Variants in MEGF10 observed in about 807,000 individuals in gnomAD.
The protein encoded by MEGF10 is multiple epidermal growth factor-like domains protein 10.
Under a neutral mutation model 147.5 loss-of-function variants are expected in MEGF10, and 86 were observed. The observed-to-expected ratio is 0.58, with a 90% CI of 0.49 to 0.70. The LOEUF (loss-of-function observed/expected upper bound fraction) is 0.70, where lower values mean the gene tolerates loss of function less well. Among genes scored for constraint, MEGF10 ranks in the 30% least tolerant of loss-of-function variants. The probability of loss-of-function intolerance (pLI) is 0.00; values close to 1 mark genes in which losing one functional copy is unlikely to be tolerated. For synonymous variants in MEGF10, 478 were observed against 525.5 expected (o/e 0.91, Z 1.24); for missense variants, 1,329 against 1,487.3 (o/e 0.89, Z 1.75).
chr5:127,285,766 A>G, the MEGF10 span, among the ~76,000 whole-genome samples: 1 of 152,106 alleles, frequency 6.6e-6, no homozygotes, highest in Admixed American at 6.5e-5. Context: ...GCTGTAATAA[A>G]ATTAAATTAA....
At chr5:127,381,649 TTG>T in intron 5 of MEGF10, among the ~76,000 whole-genome samples, 1 of 152,184 alleles carries the variant, frequency 6.6e-6, no homozygotes, top group South Asian at 2.1e-4. Context: ...TTATTGTGTT[TTG>T]TTGTTGTTTC....
chr5:127,272,274 G>A, the MEGF10 span, among the ~76,000 whole-genome samples: 1 of 152,024 alleles, frequency 6.6e-6, no homozygotes, highest in East Asian at 1.9e-4. Context: ...TCTCTATTTT[G>A]TTCCATTGAT....
In MEGF10 at chr5:127,310,042, CTTTA is replaced by C. The variant is rs199567299; in HGVS notation, c.-19+18990_-19+18993del. 4.9e-3 allele frequency among the ~76,000 whole-genome samples: 431 copies of C among 87,212 alleles called. 114 individuals carry two copies. The Middle Eastern group carries it at 0.11, about 22-fold the overall frequency. The allele number at this position is 87,212 out of a possible 152,430, so 57.2% of individuals were successfully genotyped here. A position where few individuals can be genotyped will look rare whatever the true frequency, so the allele number is the denominator to read the frequency against. On this transcript the variant is annotated intron_variant, in intron 1 of 24. Coordinates refer to ENST00000503335, the MANE Select transcript of MEGF10 (RefSeq NM_001256545.2). The stretch of plus-strand genomic sequence containing the variant: ...TTTTTCTTTCTTTCTTTCCTTCTTT[CTTTA>C]TTTCTTTCTTTCTTTCTTTCTCTCT...
At chr5:127,333,103 G>C (rs982798715) in intron 2 of MEGF10, among the ~76,000 whole-genome samples, 2 of 152,128 alleles carry the variant, frequency 1.3e-5, no homozygotes, top group African/African-American at 4.8e-5. Flanking sequence ...TTGCCATGTT[G>C]TGTTTATAAA....
chr5:127,320,408 A>G (rs1742728921), intron 1 of MEGF10, among the ~76,000 whole-genome samples: 1 of 152,200 alleles, frequency 6.6e-6, no homozygotes, highest in Admixed American at 6.5e-5. Context: ...ACAATATGAG[A>G]TTGTTCTCCA....
At chr5:127,425,203 TGGGTCATG>T (rs1765170400) in intron 13 of MEGF10, among the ~76,000 whole-genome samples, 1 of 152,222 alleles carries the variant, frequency 6.6e-6, no homozygotes, top group Admixed American at 6.5e-5. Context: ...TTCCACAGTC[TGGGTCATG>T]GGGTAAGACA....
chr5:127,335,755 C>G (rs187402894), intron 2 of MEGF10, among the ~76,000 whole-genome samples: 14 of 151,984 alleles, frequency 9.2e-5, no homozygotes, highest in Admixed American at 8.5e-4. Context: ...TACCCTCAAC[C>G]AAAAACTAAA....
chr5:127,443,973 T>A (rs1394396111), intron 19 of MEGF10, among the ~76,000 whole-genome samples: 2 of 152,170 alleles, frequency 1.3e-5, no homozygotes, highest in Non-Finnish European at 2.9e-5. Context: ...ATAATTGGGG[T>A]ATATAGTAGA....
chr5:127,401,595 A>G (rs780119199), intron 7 of MEGF10, among the ~76,000 whole-genome samples: 6 of 152,110 alleles, frequency 3.9e-5, no homozygotes, highest in Non-Finnish European at 7.4e-5. Context: ...TTTTAGAGAG[A>G]GGGAGGACAG....
At chr5:127,327,694 T>TTTTTC (rs1345394950) in intron 1 of MEGF10, among the ~76,000 whole-genome samples, 21 of 145,788 alleles carry the variant, frequency 1.4e-4, no homozygotes, top group East Asian at 6.1e-4. Context: ...ATCTGCTGCT[T>TTTTTC]TTTTCTTTTC....
intron 5 of MEGF10, among the ~76,000 whole-genome samples, chr5:127,372,999 T>C (rs1373815992): frequency 6.6e-6 from 1 of 152,250 alleles, no homozygotes; most frequent in African/African-American, 2.4e-5. Context: ...GGAATTTTTC[T>C]GTAAGGAAGA....
chr5:127,373,740 C>T (rs35087652), intron 5 of MEGF10, among the ~76,000 whole-genome samples: 8,917 of 151,952 alleles, frequency 0.059, 366 homozygotes, highest in Non-Finnish European at 0.087. Context: ...GAGGGATGGG[C>T]TAGTAAGAAG....
At chr5:127,243,774 G>C in the MEGF10 span, among the ~76,000 whole-genome samples, 71 of 152,254 alleles carry the variant, frequency 4.7e-4, no homozygotes, top group East Asian at 0.013. Context: ...TCACTAATAA[G>C]CCACTGTTCA....
the MEGF10 span, among the ~76,000 whole-genome samples, chr5:127,271,400 TG>T: frequency 9.4e-3 from 1,435 of 152,128 alleles, 15 homozygotes; most frequent in African/African-American, 0.031. Flanking sequence ...TACTTTTTAG[TG>T]GGGTTTTTTT....
chr5:127,437,872 C>A (rs933432689), intron 16 of MEGF10, among the ~76,000 whole-genome samples: 1 of 152,228 alleles, frequency 6.6e-6, no homozygotes, highest in Non-Finnish European at 1.5e-5. Context: ...TTTAACCTCT[C>A]TTGAGTCAAG....
At chr5:127,438,980 G>C (rs550201172) in intron 17 of MEGF10, among the ~76,000 whole-genome samples, 2 of 152,262 alleles carry the variant, frequency 1.3e-5, no homozygotes, top group African/African-American at 2.4e-5. Context: ...CGTGTTTTTC[G>C]AATGGTAGCA....
In MEGF10 at chr5:127,397,618, C is replaced by T. The variant is rs1443073611; in HGVS notation, c.659+840C>T. Among the ~76,000 whole-genome samples, 6 of 152,160 alleles carry T rather than the reference C, an allele frequency of 3.9e-5. No individual in the cohort carries two copies. The East Asian group carries it at 7.7e-4, about 20-fold the overall frequency. On this transcript the variant is annotated intron_variant, in intron 6 of 24. Transcript: ENST00000503335. ...AACACTTCCTGCCAACAGTGTTAAA[C>T]GCCTGTAGAGTGGAGCTAAAGAAAA...
upstream of MEGF10, among the ~76,000 whole-genome samples, chr5:127,286,261 A>G (rs1242379865): frequency 6.6e-6 from 1 of 152,068 alleles, no homozygotes; most frequent in African/African-American, 2.4e-5. Flanking sequence ...AAGGGTGACT[A>G]TTGTTAGCAG....
At chr5:127,330,789 A>G (rs978287452) in intron 1 of MEGF10, among the ~76,000 whole-genome samples, 1 of 152,140 alleles carries the variant, frequency 6.6e-6, no homozygotes, top group Non-Finnish European at 1.5e-5. Context: ...GATGACTAGG[A>G]TGGAGCAGGC....
Sources: allele counts gnomAD v4.1 joint callset (sites outside exome capture counted in the v4.1 genomes callset), GRCh38; gene constraint gnomAD v4.1.1; transcripts MANE v1.5; gene names NCBI Gene and HGNC (gene_info 2026-07-23, HGNC 2026-07-21).